Variants in SCFD2 observed in about 807,000 individuals in gnomAD.
SCFD2 encodes sec1 family domain-containing protein 2.
In SCFD2, 54 loss-of-function variants were observed where a neutral mutation model predicts 58.9. The observed-to-expected ratio is 0.92, with a 90% CI of 0.74 to 1.15. The LOEUF is 1.15. SCFD2 is among the 50% of genes most tolerant of loss of function. SCFD2 has a pLI of 0.00. For synonymous variants in SCFD2, 321 were observed against 335.9 expected (o/e 0.96, Z 0.49); for missense variants, 805 against 836.6 (o/e 0.96, Z 0.47).
At chr4:53,114,299 A>G (rs1322485741) in intron 5 of SCFD2, among the ~76,000 whole-genome samples, 1 of 152,126 alleles carries the variant, frequency 6.6e-6, no homozygotes, top group Non-Finnish European at 1.5e-5. Context: ...CTTCTGTTGA[A>G]CTATATATCT....
At chr4:53,052,400 G>A (rs909399556) in intron 5 of SCFD2, among the ~76,000 whole-genome samples, 4 of 152,110 alleles carry the variant, frequency 2.6e-5, no homozygotes, top group Non-Finnish European at 5.9e-5. Context: ...TGCTCGTTAC[G>A]AACTTCTTGT....
intron 7 of SCFD2, among the ~76,000 whole-genome samples, chr4:52,895,904 G>T (rs1718995601): frequency 6.6e-6 from 1 of 152,214 alleles, no homozygotes; most frequent in Non-Finnish European, 1.5e-5. Context: ...GCATTTCTCT[G>T]ATGGCCAGTG....
At chr4:53,056,669 T>A (rs1723349854) in intron 5 of SCFD2, among the ~76,000 whole-genome samples, 1 of 152,146 alleles carries the variant, frequency 6.6e-6, no homozygotes, top group African/African-American at 2.4e-5. Context: ...TACATTTCTT[T>A]CTAATTGTTC....
chr4:53,262,013 CT>C (rs1205395343), intron 4 of SCFD2, among the ~76,000 whole-genome samples: 3 of 151,858 alleles, frequency 2.0e-5, no homozygotes, highest in Non-Finnish European at 4.4e-5. Flanking sequence ...TATAAGGTCC[CT>C]CTTTTTTTAA....
At chr4:53,158,844 C>G (rs927171489) in intron 4 of SCFD2, among the ~76,000 whole-genome samples, 1 of 152,174 alleles carries the variant, frequency 6.6e-6, no homozygotes, top group African/African-American at 2.4e-5. Context: ...TGCCTCTGTG[C>G]TTTTATGCAT....
At chr4:52,916,772 C>A (rs1176281155) in intron 6 of SCFD2, among the ~76,000 whole-genome samples, 1 of 152,130 alleles carries the variant, frequency 6.6e-6, no homozygotes, top group African/African-American at 2.4e-5. Flanking sequence ...CATGTCCTAA[C>A]AAAGGAAAAG....
intron 6 of SCFD2, among the ~76,000 whole-genome samples, chr4:52,916,813 G>C (rs978324312): frequency 6.6e-6 from 1 of 152,164 alleles, no homozygotes; most frequent in Non-Finnish European, 1.5e-5. Flanking sequence ...ACAAAGGAAG[G>C]CCTCTTTTGT....
At chr4:53,010,539 G>A (rs764485666) in intron 5 of SCFD2, among the ~76,000 whole-genome samples, 5 of 152,170 alleles carry the variant, frequency 3.3e-5, no homozygotes, top group Admixed American at 1.3e-4. Flanking sequence ...CATTCTTGGC[G>A]GAAATCCCTG....
chr4:53,197,099 C>G (rs1728080933), intron 4 of SCFD2, among the ~76,000 whole-genome samples: 1 of 152,046 alleles, frequency 6.6e-6, no homozygotes, highest in Non-Finnish European at 1.5e-5. Flanking sequence ...GGAGTAAGAT[C>G]CATCATCCCA....
intron 3 of SCFD2, among the ~76,000 whole-genome samples, chr4:53,284,139 A>G (rs1731592043): frequency 6.7e-6 from 1 of 148,990 alleles, no homozygotes; most frequent in Non-Finnish European, 1.5e-5. Flanking sequence ...AAAAAAATGC[A>G]TGTAATGAAG....
At chr4:52,989,531 A>G (rs1721573623) in intron 5 of SCFD2, among the ~76,000 whole-genome samples, 1 of 152,218 alleles carries the variant, frequency 6.6e-6, no homozygotes, top group Non-Finnish European at 1.5e-5. Context: ...TTTAAATACA[A>G]TGCAAAGAAG....
intron 4 of SCFD2, among the ~76,000 whole-genome samples, chr4:53,248,521 CT>C (rs1730206334): frequency 6.6e-6 from 1 of 152,214 alleles, no homozygotes; most frequent in Non-Finnish European, 1.5e-5. Flanking sequence ...TTAAATGTCC[CT>C]GTCTGACAGC....
intron 4 of SCFD2, among the ~76,000 whole-genome samples, chr4:53,238,359 G>T (rs1265450529): frequency 1.1e-5 from 1 of 88,010 alleles, no homozygotes; most frequent in African/African-American, 4.4e-5. Flanking sequence ...GGGGGCTGAT[G>T]CCCCCACCTC....
chr4:53,210,262 T>C (rs949483578), intron 4 of SCFD2, among the ~76,000 whole-genome samples: 1 of 152,046 alleles, frequency 6.6e-6, no homozygotes, highest in African/African-American at 2.4e-5. Flanking sequence ...GAAGTGTTGA[T>C]ACAAAGAGGC....
At chr4:53,076,806 C>T (rs985636155) in intron 5 of SCFD2, among the ~76,000 whole-genome samples, 2 of 152,200 alleles carry the variant, frequency 1.3e-5, no homozygotes, top group East Asian at 1.9e-4. Context: ...TTATCCAACA[C>T]GGGCTGCTTC....
intron 3 of SCFD2, among the ~76,000 whole-genome samples, chr4:53,299,963 A>G (rs1191185284): frequency 1.3e-5 from 2 of 152,228 alleles, no homozygotes; most frequent in Non-Finnish European, 2.9e-5. Flanking sequence ...AAACATGGAA[A>G]GGAACAACTG....
chr4:53,164,346 G>A lies in SCFD2; in HGVS notation c.1312-18764C>T, dbSNP rs188298390. On this transcript the variant is annotated intron_variant, in intron 4 of 8. Transcript: ENST00000401642. ...CACCCCTACACAGCCAACTCCTTCAGACTCCCCTCAGGACAACCTTGACAT... is the reference window on the plus strand; with the variant it reads ...CACCCCTACACAGCCAACTCCTTCAAACTCCCCTCAGGACAACCTTGACAT... Among the ~76,000 whole-genome samples, 778 of 152,166 alleles carry A rather than the reference G, an allele frequency of 5.1e-3. 2 individuals carry two copies. The highest frequency in any genetic ancestry group is 8.4e-3 in the Non-Finnish European group (574 of 68,008).
intron 7 of SCFD2, among the ~76,000 whole-genome samples, chr4:52,890,158 A>G (rs17082151): frequency 0.039 from 5,917 of 152,320 alleles, 426 homozygotes; most frequent in African/African-American, 0.13. Context: ...ATCCTGGGAC[A>G]GAAATAAATT....
intron 2 of SCFD2, among the ~76,000 whole-genome samples, chr4:53,318,405 T>C (rs1732926158): frequency 6.6e-6 from 1 of 152,178 alleles, no homozygotes; most frequent in Non-Finnish European, 1.5e-5. Context: ...GTTGTACAAC[T>C]CTTGGGTCAG....
Sources: gnomAD v4.1 joint callset for allele counts (sites outside exome capture counted in the v4.1 genomes callset) on GRCh38, gnomAD v4.1.1 for gene constraint, MANE v1.5 for transcripts, NCBI Gene and HGNC (gene_info 2026-07-23, HGNC 2026-07-21) for gene names.